SPMAP2L: variants seen among roughly 807,000 people sequenced by gnomAD.
SPMAP2L encodes the protein sperm microtubule associated protein 2 like.
At chr4:56,623,010 C>T in the SPMAP2L span, among the ~76,000 whole-genome samples, 1 of 152,134 alleles carries the variant, frequency 6.6e-6, no homozygotes, top group Non-Finnish European at 1.5e-5. Flanking sequence ...CCTCTGGGCC[C>T]TGGTCCACAC....
the SPMAP2L span, among the ~76,000 whole-genome samples, chr4:56,582,100 G>C: frequency 7.2e-5 from 11 of 152,090 alleles, no homozygotes; most frequent in African/African-American, 2.7e-4. Flanking sequence ...CTGTGATCTT[G>C]AGATAGGCAA....
chr4:56,580,656 A>T, the SPMAP2L span, among the ~76,000 whole-genome samples: 2 of 152,218 alleles, frequency 1.3e-5, no homozygotes, highest in South Asian at 2.1e-4. Flanking sequence ...AAAATAAAAA[A>T]AAATAAAGGG....
chr4:56,596,566 C>CA, the SPMAP2L span: 21 of 1,534,066 alleles, frequency 1.4e-5, no homozygotes, highest in East Asian at 5.1e-4. Flanking sequence ...AGAGCTTGCC[C>CA]ACCCAAGGAT....
At chr4:56,618,561 G>T in the SPMAP2L span, among the ~76,000 whole-genome samples, 1 of 152,122 alleles carries the variant, frequency 6.6e-6, no homozygotes. Context: ...AGCAAAAAAA[G>T]AAAAGCCCCT....
the SPMAP2L span, among the ~76,000 whole-genome samples, chr4:56,567,954 C>T: frequency 2.6e-5 from 4 of 152,032 alleles, no homozygotes; most frequent in Admixed American, 6.5e-5. Flanking sequence ...TCCTTCTTTG[C>T]GGGCTCTAGT....
the SPMAP2L span, chr4:56,595,062 G>T: frequency 3.7e-6 from 6 of 1,609,940 alleles, no homozygotes; most frequent in African/African-American, 4.0e-5. Context: ...CCGTCAGTGC[G>T]GCCCCATGGG....
At chr4:56,588,385 T>G in the SPMAP2L span, among the ~76,000 whole-genome samples, 1 of 152,182 alleles carries the variant, frequency 6.6e-6, no homozygotes, top group South Asian at 2.1e-4. Context: ...ATGAAATCCC[T>G]GCCTAAGTCA....
At chr4:56,592,690 C>A in the SPMAP2L span, among the ~76,000 whole-genome samples, 39 of 152,114 alleles carry the variant, frequency 2.6e-4, no homozygotes, top group African/African-American at 9.1e-4. Flanking sequence ...TGGGGCTGCT[C>A]CTGGGCCGCG....
At chr4:56,561,514 T>C in the SPMAP2L span, among the ~76,000 whole-genome samples, 1 of 152,096 alleles carries the variant, frequency 6.6e-6, no homozygotes, top group Non-Finnish European at 1.5e-5. Flanking sequence ...AAAGCAGGCA[T>C]GTGCAAAGAG....
chr4:56,560,169 T>C, the SPMAP2L span, among the ~76,000 whole-genome samples: 37 of 152,184 alleles, frequency 2.4e-4, no homozygotes, highest in African/African-American at 8.9e-4. Flanking sequence ...AAGCCATTAT[T>C]TTTTCAAGTT....
the SPMAP2L span, among the ~76,000 whole-genome samples, chr4:56,563,052 G>A: frequency 2.9e-5 from 4 of 139,550 alleles, no homozygotes; most frequent in Admixed American, 7.2e-5. Flanking sequence ...TTGATTATGA[G>A]TTAATTACTG....
the SPMAP2L span, chr4:56,595,516 T>G: frequency 6.6e-7 from 1 of 1,522,556 alleles, no homozygotes; most frequent in Admixed American, 1.7e-5. Context: ...CTCCCTGACC[T>G]GCGTTATATC....
At chr4:56,578,798 C>T in the SPMAP2L span, among the ~76,000 whole-genome samples, 1 of 146,772 alleles carries the variant, frequency 6.8e-6, no homozygotes, top group Non-Finnish European at 1.5e-5. Flanking sequence ...AAAAGACATA[C>T]AATTATGGCT....
chr4:56,597,790 T>C, the SPMAP2L span, among the ~76,000 whole-genome samples: 1 of 152,184 alleles, frequency 6.6e-6, no homozygotes, highest in Non-Finnish European at 1.5e-5. Context: ...ACCAGTGCAA[T>C]GCAGAACACT....
chr4:56,599,455 C>T, the SPMAP2L span, among the ~76,000 whole-genome samples: 1 of 152,098 alleles, frequency 6.6e-6, no homozygotes, highest in African/African-American at 2.4e-5. Context: ...CATAGGTATA[C>T]ATGTGCCATG....
chr4:56,575,073 AC>A, the SPMAP2L span, among the ~76,000 whole-genome samples: 1 of 141,594 alleles, frequency 7.1e-6, no homozygotes, highest in Non-Finnish European at 1.5e-5. Flanking sequence ...ACACGGTGAA[AC>A]CCCGTCTCTA....
chr4:56,555,673 G>A, the SPMAP2L span, among the ~76,000 whole-genome samples: 2 of 151,876 alleles, frequency 1.3e-5, no homozygotes, highest in African/African-American at 4.8e-5. Context: ...GATCTTTTAT[G>A]TATTTTTTTG....
chr4:56,620,616 C>A, the SPMAP2L span, among the ~76,000 whole-genome samples: 6 of 152,310 alleles, frequency 3.9e-5, no homozygotes, highest in East Asian at 1.2e-3. Context: ...AACTCCCAAC[C>A]TCAGGTGATC....
At chr4:56,601,675 C>T in the SPMAP2L span, among the ~76,000 whole-genome samples, 4 of 151,824 alleles carry the variant, frequency 2.6e-5, no homozygotes, top group Non-Finnish European at 5.9e-5. Context: ...GGCAGGAAGT[C>T]ATTGCTTGAG....
Sources: allele counts gnomAD v4.1 joint callset (sites outside exome capture counted in the v4.1 genomes callset), GRCh38; gene constraint gnomAD v4.1.1; transcripts MANE v1.5; gene names NCBI Gene and HGNC (gene_info 2026-07-23, HGNC 2026-07-21).